EEF1G: variants seen among roughly 807,000 people sequenced by gnomAD.
EEF1G encodes elongation factor 1-gamma.
EEF1G carries 14 observed loss-of-function variants against 58.3 expected under a neutral mutation model. That is an observed-to-expected ratio of 0.24 (90% CI 0.16 to 0.38). The LOEUF (loss-of-function observed/expected upper bound fraction) is 0.38, where lower values mean the gene tolerates loss of function less well. Ranked by LOEUF, EEF1G falls within the 10% of genes least tolerant of loss-of-function variation. EEF1G has a pLI of 1.00. For synonymous variants in EEF1G, 180 were observed against 206.8 expected, an observed-to-expected ratio of 0.87 and a Z score of 1.11; for missense variants, 322 against 550.1, an observed-to-expected ratio of 0.59 and a Z score of 4.15.
In EEF1G at chr11:62,566,764, G is replaced by A. The variant is rs778160115; in HGVS notation, c.857+42C>T. On this transcript the variant is annotated intron_variant, in intron 7 of 9. Transcript: ENST00000329251. ...GGGGGACATACAGAGGTGAGAACAG[G>A]CCTTCTTTGGTCCCACACCCTCCAC... 6 of 1,588,718 alleles carry A rather than the reference G, an allele frequency of 3.8e-6. No individual in the cohort carries two copies. In the South Asian group the frequency reaches 5.5e-5, roughly 15 times the overall value.
rs1941631255 is a variant in EEF1G, at chr11:62,571,534, G to GCTCA, written c.378+2_378+5dup. 6.3e-7 allele frequency: 1 copy of GCTCA among 1,594,608 alleles called. No individual in the cohort carries two copies. The highest frequency in any genetic ancestry group is 1.3e-5 in the African/African-American group (1 of 74,544). ...CCCTGGCTTCTCTCAAAGTTCCAAG[G>GCTCA]CTCACCTGTTTGTTGTGGTGCATGA... On this transcript the variant is annotated splice_donor_region_variant and intron_variant, in intron 4 of 9. Coordinates refer to ENST00000329251, the MANE Select transcript of EEF1G (RefSeq NM_001404.5).
chr11:62,569,085 G>GCGCACA (rs143817869), intron 5 of EEF1G, among the ~76,000 whole-genome samples: 1 of 149,294 alleles, frequency 6.7e-6, no homozygotes, highest in South Asian at 2.1e-4. Flanking sequence ...ATACACACAC[G>GCGCACA]CACACACACA....
At chr11:62,562,090 G>A (rs535830769) in intron 7 of EEF1G, among the ~76,000 whole-genome samples, 1 of 152,286 alleles carries the variant, frequency 6.6e-6, no homozygotes, top group East Asian at 1.9e-4. Context: ...TATAATGAAG[G>A]ATTTAGAGCC....
Position 62,559,616 on chromosome 11 carries a change from C to T in EEF1G, c.*63G>A. 6.3e-7 allele frequency: 1 copy of T among 1,587,402 alleles called. No individual in the cohort carries two copies. Among genetic ancestry groups the T allele is most frequent in the South Asian group, 1.1e-5 (1 of 88,894 alleles). ...CAGGAAAGGGTTCAATGTTCAGTTT[C>T]CTTTAATGACCCCCATCTCCCTGAA... is the stretch of plus-strand genomic sequence containing the variant. On this transcript the variant is annotated 3_prime_UTR_variant, in exon 10 of 10. Transcript: ENST00000329251.
At chr11:62,572,506 G>C in intron 2 of EEF1G, 78 bp downstream of exon 2, 5 of 1,557,606 alleles carry the variant, frequency 3.2e-6, no homozygotes, top group South Asian at 1.2e-5. Context: ...TTTAGAGATG[G>C]GGGCCACCAC....
chr11:62,562,377 C>T (rs1941506324), intron 7 of EEF1G, among the ~76,000 whole-genome samples: 1 of 152,026 alleles, frequency 6.6e-6, no homozygotes, highest in Non-Finnish European at 1.5e-5. Context: ...CGCTCAGGTA[C>T]AACATGTGTG....
intron 1 of EEF1G, chr11:62,573,475 C>T (rs1941662907): frequency 1.1e-5 from 4 of 366,342 alleles, no homozygotes; most frequent in Non-Finnish European, 1.5e-5. Context: ...AAAGACCCTC[C>T]TCTTCAACCT....
Position 62,570,831 on chromosome 11 carries a change from C to T in EEF1G, c.522+134G>A, listed in dbSNP as rs956948623. The T allele has an allele frequency of 3.6e-5, 45 of 1,237,968 alleles. 2 individuals are homozygous for T. The highest frequency in any genetic ancestry group is 1.4e-4 in the East Asian group (6 of 42,942). 76.7% of individuals were successfully genotyped at this position (1,237,968 alleles called of 1,614,324 possible). On this transcript the variant is annotated intron_variant, in intron 5 of 9. Coordinates refer to ENST00000329251, the MANE Select transcript of EEF1G (RefSeq NM_001404.5). Reference sequence around the variant, plus strand: ...TCGGCCCCCCAGTGTGCTCGGATTACAGGCATGAGCCACTGCACCCACCTC... The same window carrying T: ...TCGGCCCCCCAGTGTGCTCGGATTATAGGCATGAGCCACTGCACCCACCTC...
intron 5 of EEF1G, 69 bp from the exon 6 acceptor site, chr11:62,567,597 T>A: frequency 7.0e-7 from 1 of 1,438,232 alleles, no homozygotes; most frequent in Non-Finnish European, 9.2e-7. Flanking sequence ...ACAGCAAGAG[T>A]CCTTGCTCTA....
At chr11:62,571,402 C>G (rs539437951) in intron 4 of EEF1G, 138 bp downstream of exon 4, 14 of 1,352,102 alleles carry the variant, frequency 1.0e-5, no homozygotes, top group Non-Finnish European at 1.4e-5. Context: ...GCTTCAAACT[C>G]GTACCCTAGA....
intron 5 of EEF1G, among the ~76,000 whole-genome samples, chr11:62,569,469 G>A (rs1348774053): frequency 6.6e-6 from 1 of 152,114 alleles, no homozygotes; most frequent in Non-Finnish European, 1.5e-5. Flanking sequence ...GCAAGACTCT[G>A]TCAAAATAAA....
At chr11:62,560,962 T>C (rs928761087) in intron 7 of EEF1G, among the ~76,000 whole-genome samples, 37 of 152,336 alleles carry the variant, frequency 2.4e-4, no homozygotes, top group African/African-American at 8.7e-4. Context: ...CAAGCTTTAG[T>C]CTTTTCCAAG....
Position 62,567,545 on chromosome 11 carries a change from G to A in EEF1G, c.523-17C>T. On this transcript the variant is annotated splice_polypyrimidine_tract_variant and intron_variant, in intron 5 of 9. Transcript: ENST00000329251. ...CTCTAGAACCTGCCAGGACATAAGGGTGTAAACAAAGTCAGTGGAAAGGCC... is the reference window on the plus strand; with the variant it reads ...CTCTAGAACCTGCCAGGACATAAGGATGTAAACAAAGTCAGTGGAAAGGCC... 1 of 1,577,990 alleles carries A rather than the reference G, an allele frequency of 6.3e-7. No homozygotes were observed.
intron 2 of EEF1G, 48 bp from the exon 3 acceptor site, chr11:62,571,949 T>C (rs1297544422): frequency 6.6e-7 from 1 of 1,521,018 alleles, no homozygotes; most frequent in Admixed American, 2.0e-5. Flanking sequence ...CAAAATTTCT[T>C]CCTAACCAAT....
chr11:62,562,268 T>TTC (rs1386461189), intron 7 of EEF1G, among the ~76,000 whole-genome samples: 4 of 152,176 alleles, frequency 2.6e-5, no homozygotes, highest in African/African-American at 9.7e-5. Context: ...GTCAAGCCCC[T>TTC]TCCTCAGGGC....
intron 4 of EEF1G, 95 bp downstream of exon 4, chr11:62,571,445 G>T: frequency 6.8e-7 from 1 of 1,465,514 alleles, no homozygotes; most frequent in South Asian, 1.4e-5. Context: ...CATATCCTTG[G>T]CATCTTTTTT....
chr11:62,571,840 T>C lies in EEF1G; in HGVS notation c.233A>G (p.Tyr78Cys). The C allele has an allele frequency of 6.3e-7, 1 of 1,587,886 alleles. No individual in the cohort carries two copies. The highest frequency in any genetic ancestry group is 8.6e-7 in the Non-Finnish European group (1 of 1,166,986). ...TCCCATATACCCCTGCAAATTACCA[T>C]AGTAGGCAATGGCGTTGCTCTCAAA... The part of the protein sequence containing the change: ...CVFESNAIAY[Y>C]VSNEELRGST... Residue 78 changes from tyrosine to cysteine, a missense_variant and splice_region_variant, in exon 3 of 10, where the codon TAT (tyrosine) becomes TGT (cysteine). Around this residue, in one of 3 missense-constraint regions of EEF1G, gnomAD observed 52 missense variants for 139.4 expected, o/e 0.37. Transcript: ENST00000329251.
Position 62,561,619 on chromosome 11 carries a change from G to A in EEF1G, c.858-1165C>T, listed in dbSNP as rs182541289. The stretch of plus-strand genomic sequence containing the variant: ...CAGGAGACAGAGGCTGCAGTGAGCC[G>A]AAATTGCACTCCAGCCTGGCAACAG... On this transcript the variant is annotated intron_variant, in intron 7 of 9. Transcript: ENST00000329251. Among the ~76,000 whole-genome samples the A allele has an allele frequency of 7.7e-3, 962 of 125,566 alleles. 8 individuals are homozygous for A. The highest frequency in any genetic ancestry group is 9.6e-3 in the Non-Finnish European group (612 of 63,996). 82.4% of individuals were successfully genotyped at this position (125,566 alleles called of 152,430 possible).
At chr11:62,562,113 C>T (rs538865427) in intron 7 of EEF1G, among the ~76,000 whole-genome samples, 2 of 152,242 alleles carry the variant, frequency 1.3e-5, no homozygotes, top group African/African-American at 2.4e-5. Flanking sequence ...GCACCTGGTA[C>T]GGTTGCTTTT....
Sources: gnomAD v4.1 joint callset for allele counts (sites outside exome capture counted in the v4.1 genomes callset) on GRCh38, gnomAD v4.1.1 for gene constraint, gnomAD v4.1.1 regional missense constraint, MANE v1.5 for transcripts, NCBI Gene and HGNC (gene_info 2026-07-23, HGNC 2026-07-21) for gene names.